SLC35F4: variants seen among roughly 807,000 people sequenced by gnomAD.
SLC35F4 encodes solute carrier family 35 member F4.
SLC35F4 carries 24 observed loss-of-function variants against 44.2 expected under a neutral mutation model. That is an observed-to-expected ratio of 0.54 (90% CI 0.39 to 0.76). SLC35F4 has a LOEUF of 0.76. Among genes scored for constraint, SLC35F4 ranks in the 30% least tolerant of loss-of-function variants. The pLI is 0.00. For missense variants in SLC35F4, 562 were observed against 586.1 expected (o/e 0.96, Z 0.42); for synonymous variants, 238 against 223.6 (o/e 1.06, Z -0.57).
intron 1 of SLC35F4, among the ~76,000 whole-genome samples, chr14:57,748,529 T>A (rs2076812176): frequency 6.6e-6 from 1 of 152,032 alleles, no homozygotes; most frequent in South Asian, 2.1e-4. Flanking sequence ...AACAGCTGAG[T>A]CATGAGTCAG....
At chr14:57,653,980 T>C (rs982758803) in intron 1 of SLC35F4, among the ~76,000 whole-genome samples, 2 of 152,146 alleles carry the variant, frequency 1.3e-5, no homozygotes, top group African/African-American at 4.8e-5. Context: ...CAATCCTCGA[T>C]TGCAGAAGCA....
At chr14:57,660,204 A>G (rs575144292) in intron 1 of SLC35F4, among the ~76,000 whole-genome samples, 4 of 152,358 alleles carry the variant, frequency 2.6e-5, no homozygotes, top group African/African-American at 9.6e-5. Flanking sequence ...TGTGATTTGC[A>G]AAGTGTTTTT....
chr14:57,680,067 C>T (rs1423398677), intron 1 of SLC35F4, among the ~76,000 whole-genome samples: 1 of 151,812 alleles, frequency 6.6e-6, no homozygotes, highest in Non-Finnish European at 1.5e-5. Flanking sequence ...AGAGACCCAA[C>T]AAAAAAAGGA....
intron 1 of SLC35F4, among the ~76,000 whole-genome samples, chr14:57,841,393 G>A (rs1337172802): frequency 6.6e-6 from 1 of 152,208 alleles, no homozygotes; most frequent in Non-Finnish European, 1.5e-5. Flanking sequence ...CCAGAGGTAT[G>A]AACCAGAAAA....
chr14:57,789,248 G>C (rs951584906), intron 1 of SLC35F4, among the ~76,000 whole-genome samples: 8 of 152,118 alleles, frequency 5.3e-5, no homozygotes, highest in Admixed American at 3.9e-4. Flanking sequence ...TAGACCACTA[G>C]CCAGCCTAAT....
chr14:57,608,797 C>A (rs1457219511), intron 1 of SLC35F4, among the ~76,000 whole-genome samples: 4 of 7,510 alleles, frequency 5.3e-4, no homozygotes, highest in South Asian at 4.9e-3. Context: ...CGGGGGGGGG[C>A]GGCGGGGGGA....
At chr14:57,776,760 A>G (rs2077500707) in intron 1 of SLC35F4, among the ~76,000 whole-genome samples, 1 of 152,114 alleles carries the variant, frequency 6.6e-6, no homozygotes, top group African/African-American at 2.4e-5. Flanking sequence ...ATTTCTCAGC[A>G]GAAACTCTAT....
chr14:57,885,767 T>A lies in SLC35F4; in HGVS notation n.282+96146A>T, dbSNP rs573327565. On this transcript the variant is annotated intron_variant and non_coding_transcript_variant, in intron 1 of 1. Coordinates refer to the SLC35F4 transcript ENST00000556568. ...ATCAGAAAGCGCTGGTGTAGACTGG[T>A]CTTCCTTTCATTTTAATTCCTATGC... Among the ~76,000 whole-genome samples the A allele has an allele frequency of 2.7e-4, 41 of 152,234 alleles. No homozygotes were observed. In the South Asian group the frequency reaches 4.6e-3, roughly 17 times the overall value.
rs561465726 is a variant in SLC35F4, at chr14:57,704,193, C to T, written c.104-110069G>A. Among the ~76,000 whole-genome samples the T allele has an allele frequency of 1.0e-3, 157 of 152,290 alleles. 1 individual carries two copies. Among genetic ancestry groups the T allele is most frequent in the African/African-American group, 3.3e-3 (137 of 41,566 alleles). ...GAGTAAGTGTTCTAACTTCTCAGGA[C>T]TCCAAAGGGGTTGGAAGCAAGTTTG... On this transcript the variant is annotated intron_variant, in intron 1 of 7. Coordinates refer to ENST00000556826, the MANE Select transcript of SLC35F4 (RefSeq NM_001306087.2).
At chr14:57,702,937 GT>G (rs1203715207) in intron 1 of SLC35F4, among the ~76,000 whole-genome samples, 1 of 152,104 alleles carries the variant, frequency 6.6e-6, no homozygotes, top group Non-Finnish European at 1.5e-5. Flanking sequence ...TTTTCTGTGG[GT>G]TGTTGGGATA....
intron 1 of SLC35F4, among the ~76,000 whole-genome samples, chr14:57,889,071 G>GT (rs977279771): frequency 2.6e-5 from 4 of 152,138 alleles, no homozygotes; most frequent in Non-Finnish European, 5.9e-5. Context: ...ATCACTCTGG[G>GT]TTTTTTTCTG....
intron 1 of SLC35F4, among the ~76,000 whole-genome samples, chr14:57,698,199 A>G (rs2075439006): frequency 6.6e-6 from 1 of 152,218 alleles, no homozygotes; most frequent in African/African-American, 2.4e-5. Context: ...TCATGGCTGC[A>G]GTGTAAGGAT....
intron 1 of SLC35F4, among the ~76,000 whole-genome samples, chr14:57,835,698 G>C (rs1030629862): frequency 6.6e-6 from 1 of 152,166 alleles, no homozygotes; most frequent in South Asian, 2.1e-4. Flanking sequence ...TGGAGGACAG[G>C]CCAAACTCAA....
chr14:57,652,478 C>T (rs10134944), intron 1 of SLC35F4, among the ~76,000 whole-genome samples: 19,708 of 152,058 alleles, frequency 0.13, 1,461 homozygotes, highest in African/African-American at 0.2. Context: ...TGGTTCTGAA[C>T]GAGGGATGAT....
intron 1 of SLC35F4, among the ~76,000 whole-genome samples, chr14:57,706,883 T>A (rs1173586290): frequency 2.0e-5 from 3 of 152,182 alleles, no homozygotes; most frequent in Non-Finnish European, 4.4e-5. Flanking sequence ...TAGGAAGCTA[T>A]TGAAGGGCTT....
chr14:57,867,692 G>A (rs1379062445), upstream of SLC35F4, among the ~76,000 whole-genome samples: 1 of 151,616 alleles, frequency 6.6e-6, no homozygotes, highest in East Asian at 2.0e-4. Flanking sequence ...TATTGCACAT[G>A]GTAAAATGTG....
At chr14:57,862,250 T>C (rs1887746283) in intron 1 of SLC35F4, among the ~76,000 whole-genome samples, 1 of 152,204 alleles carries the variant, frequency 6.6e-6, no homozygotes, top group Non-Finnish European at 1.5e-5. Context: ...ATATGCAGAC[T>C]CTGACCACCT....
intron 1 of SLC35F4, among the ~76,000 whole-genome samples, chr14:57,650,388 T>A (rs992404277): frequency 1.1e-4 from 17 of 152,266 alleles, no homozygotes; most frequent in South Asian, 8.3e-4. Context: ...CTCAGACATT[T>A]ACATCTCAAC....
Position 57,892,315 on chromosome 14 carries a change from T to C in SLC35F4, n.282+89598A>G, listed in dbSNP as rs150727528. ...TTGTGAAGAACACTGCCTAGATGCA[T>C]TAGTCAGGTGACATGTTTAGTCTTA... On this transcript the variant is annotated intron_variant and non_coding_transcript_variant, in intron 1 of 1. Coordinates refer to the SLC35F4 transcript ENST00000556568. Among the ~76,000 whole-genome samples the C allele has an allele frequency of 5.5e-4, 84 of 152,306 alleles. 1 individual carries two copies. The highest frequency in any genetic ancestry group is 3.1e-3 in the Admixed American group (48 of 15,296).
Sources: allele counts gnomAD v4.1 joint callset (sites outside exome capture counted in the v4.1 genomes callset), GRCh38; gene constraint gnomAD v4.1.1; transcripts MANE v1.5; gene names NCBI Gene and HGNC (gene_info 2026-07-23, HGNC 2026-07-21).